MINPP1: variants seen among roughly 807,000 people sequenced by gnomAD.
MINPP1 encodes the protein multiple inositol-polyphosphate phosphatase 1.
Under a neutral mutation model 46.1 loss-of-function variants are expected in MINPP1, and 28 were observed. The ratio of observed to expected loss-of-function variants is 0.61; its 90% CI spans 0.45 to 0.83. The LOEUF (loss-of-function observed/expected upper bound fraction) is 0.83. Among genes scored for constraint, MINPP1 ranks in the 40% least tolerant of loss-of-function variants. MINPP1 has a pLI of 0.00. For synonymous variants in MINPP1, 268 were observed against 249.1 expected, an observed-to-expected ratio of 1.08 and a Z score of -0.72; for missense variants, 603 against 610.0, an observed-to-expected ratio of 0.99 and a Z score of 0.12.
rs1851982869 is a variant in MINPP1, at chr10:87,552,728, A to C, written c.*250A>C. On this transcript the variant is annotated 3_prime_UTR_variant, in exon 5 of 5. Transcript: ENST00000371996. ...CAGCTGGCCCTGCAAATGTTTACAG[A>C]AATGAAATTCTTCCTACTTATATAA... 1 of 479,852 alleles carries C rather than the reference A, an allele frequency of 2.1e-6. No individual in the cohort carries two copies. The highest frequency in any genetic ancestry group is 3.6e-5 in the Admixed American group (1 of 27,540). 29.7% of individuals were successfully genotyped at this position (479,852 alleles called of 1,614,324 possible). A position where few individuals can be genotyped will look rare whatever the true frequency, so the allele number is the denominator to read the frequency against.
chr10:87,534,253 C>T (rs1009220243), intron 4 of MINPP1, among the ~76,000 whole-genome samples: 1 of 152,010 alleles, frequency 6.6e-6, no homozygotes, highest in African/African-American at 2.4e-5. Flanking sequence ...CAGGGTTTCG[C>T]CATGTTGGCC....
intron 4 of MINPP1, among the ~76,000 whole-genome samples, chr10:87,527,765 T>A (rs1412153150): frequency 6.6e-6 from 1 of 152,226 alleles, no homozygotes; most frequent in Non-Finnish European, 1.5e-5. Context: ...TTAACTGGAA[T>A]AGTTTCAGAA....
chr10:87,530,579 G>A (rs1367336742), intron 4 of MINPP1, among the ~76,000 whole-genome samples: 2 of 152,142 alleles, frequency 1.3e-5, no homozygotes, highest in Non-Finnish European at 2.9e-5. Flanking sequence ...TGGAAGCTTC[G>A]TCTCAGAGGG....
intron 3 of MINPP1, among the ~76,000 whole-genome samples, chr10:87,517,925 C>T (rs990233247): frequency 2.7e-5 from 4 of 149,364 alleles, no homozygotes; most frequent in African/African-American, 9.8e-5. Flanking sequence ...GCCTCCCAAA[C>T]TGTTGGGATT....
At chr10:87,516,049 G>A (rs1564673827) in intron 3 of MINPP1, among the ~76,000 whole-genome samples, 2 of 42,118 alleles carry the variant, frequency 4.7e-5, no homozygotes, top group Non-Finnish European at 1.8e-4. Context: ...GGCTGGTCTC[G>A]AACTCCTGAA....
At chr10:87,509,107 A>C (rs893134949) in intron 2 of MINPP1, among the ~76,000 whole-genome samples, 1 of 152,234 alleles carries the variant, frequency 6.6e-6, no homozygotes, top group African/African-American at 2.4e-5. Context: ...AGGGAACACT[A>C]TTAATAATTT....
In MINPP1 at chr10:87,505,705, G is replaced by A. The variant is rs931687422; in HGVS notation, c.637+153G>A. 6.6e-6 allele frequency among the ~76,000 whole-genome samples: 1 copy of A among 152,028 alleles called. No homozygotes were observed. The highest frequency in any genetic ancestry group is 2.4e-5 in the African/African-American group (1 of 41,372). ...TCCCTCGGGCTACGTCCTCCCTGTCGAGGGATATTACAGACTTGGCTATCT... is the reference window on the plus strand; with the variant it reads ...TCCCTCGGGCTACGTCCTCCCTGTCAAGGGATATTACAGACTTGGCTATCT... On this transcript the variant is annotated intron_variant, in intron 1 of 4. Coordinates refer to ENST00000371996, the MANE Select transcript of MINPP1 (RefSeq NM_004897.5). This position sits in a 1 kb window ranked among gnomAD's most constrained non-coding sequence, Gnocchi z 4.4.
chr10:87,530,678 C>T (rs147666355), intron 4 of MINPP1, among the ~76,000 whole-genome samples: 6,019 of 152,250 alleles, frequency 0.04, 576 homozygotes, highest in East Asian at 0.31. Flanking sequence ...GCAGTCTGTC[C>T]GTTCTCAGAT....
intron 4 of MINPP1, among the ~76,000 whole-genome samples, chr10:87,535,816 C>T (rs1055291259): frequency 1.3e-5 from 2 of 152,044 alleles, no homozygotes; most frequent in African/African-American, 2.4e-5. Context: ...GTAGTCCCAG[C>T]TACTCACGAG....
At chr10:87,522,411 T>C (rs1337678141) in intron 4 of MINPP1, among the ~76,000 whole-genome samples, 1 of 152,178 alleles carries the variant, frequency 6.6e-6, no homozygotes, top group East Asian at 1.9e-4. Flanking sequence ...GTTTGAGAAA[T>C]AATTCATATG....
chr10:87,532,164 T>A (rs1205190695), intron 4 of MINPP1, among the ~76,000 whole-genome samples: 3 of 152,230 alleles, frequency 2.0e-5, no homozygotes, highest in Non-Finnish European at 4.4e-5. Context: ...GTGAGACTTA[T>A]TCTTTTCAAA....
intron 4 of MINPP1, among the ~76,000 whole-genome samples, chr10:87,535,122 T>C (rs752094190): frequency 6.6e-6 from 1 of 152,254 alleles, no homozygotes; most frequent in Non-Finnish European, 1.5e-5. Context: ...TAGTTGGAAA[T>C]GGCTTCTGTG....
In MINPP1 at chr10:87,504,922, C is replaced by G. The variant is rs1327781109; in HGVS notation, c.7C>G (p.Arg3Gly). ...TCCACTGACCGTCCCGACGATGCTACGCGCGCCCGGCTGCCTCCTCCGGAC... is the reference window on the plus strand; with the variant it reads ...TCCACTGACCGTCCCGACGATGCTAGGCGCGCCCGGCTGCCTCCTCCGGAC... ML[R>G]APGCLLRTSV... Residue 3 changes from arginine (R) to glycine (G), a missense_variant, in exon 1 of 5, where the codon CGC becomes GGC. Coordinates refer to ENST00000371996, the MANE Select transcript of MINPP1 (RefSeq NM_004897.5). 4 of 1,610,448 alleles carry G rather than the reference C, an allele frequency of 2.5e-6. No homozygotes were observed. Among genetic ancestry groups the G allele is most frequent in the African/African-American group, 1.3e-5 (1 of 74,912 alleles).
intron 4 of MINPP1, among the ~76,000 whole-genome samples, chr10:87,536,958 A>G (rs1851744649): frequency 1.3e-5 from 2 of 150,672 alleles, no homozygotes; most frequent in Admixed American, 1.3e-4. Context: ...TTTTTTTGAG[A>G]CAGAGTCTTA....
In MINPP1 at chr10:87,505,471, C is replaced by G; in HGVS notation, c.556C>G (p.Arg186Gly). ...GCGGCTCATCACCAGTTCCAAGCACCGCTGCATGGATAGCAGCGCCGCCTT... is the reference window on the plus strand; with the variant it reads ...GCGGCTCATCACCAGTTCCAAGCACGGCTGCATGGATAGCAGCGCCGCCTT... Reference protein sequence around the residue: ...RLRLITSSKHRCMDSSAAFLQ... With the variant: ...RLRLITSSKHGCMDSSAAFLQ... The change falls in exon 1 of 5, where the codon CGC becomes GGC. Residue 186 changes from arginine (R) to glycine (G), a missense_variant. Arg to Gly is a moderately radical substitution (Grantham distance 125). Coordinates refer to ENST00000371996, the MANE Select transcript of MINPP1 (RefSeq NM_004897.5). This position sits in a 1 kb window ranked among gnomAD's most constrained non-coding sequence, Gnocchi z 4.4. 2 of 1,613,186 alleles carry G rather than the reference C, an allele frequency of 1.2e-6. No individual in the cohort carries two copies. The highest frequency in any genetic ancestry group is 1.7e-6 in the Non-Finnish European group (2 of 1,179,624).
chr10:87,516,040 GCTGGTCTCGAACTCC>G (rs1851410339), intron 3 of MINPP1, among the ~76,000 whole-genome samples: 12 of 107,794 alleles, frequency 1.1e-4, no homozygotes, highest in East Asian at 4.6e-4. Context: ...TGTTGGCCAG[GCTGGTCTCGAACTCC>G]TGAACTCAAG....
At chr10:87,551,110 G>A (rs1851956822) in intron 4 of MINPP1, among the ~76,000 whole-genome samples, 1 of 151,994 alleles carries the variant, frequency 6.6e-6, no homozygotes, top group Non-Finnish European at 1.5e-5. Flanking sequence ...GTGGTTCATA[G>A]AGAATACTTT....
chr10:87,547,498 T>C (rs1411000589), intron 4 of MINPP1, among the ~76,000 whole-genome samples: 2 of 152,216 alleles, frequency 1.3e-5, no homozygotes, highest in South Asian at 2.1e-4. Flanking sequence ...TATTTTCTTA[T>C]AAAAGGCATT....
At chr10:87,530,229 C>T (rs1051059308) in intron 4 of MINPP1, among the ~76,000 whole-genome samples, 2 of 152,220 alleles carry the variant, frequency 1.3e-5, no homozygotes, top group East Asian at 1.9e-4. Context: ...AGTCATTCTC[C>T]GTCCAGCTTT....
Sources: allele counts gnomAD v4.1 joint callset (sites outside exome capture counted in the v4.1 genomes callset), GRCh38; gene constraint gnomAD v4.1.1; non-coding constraint Gnocchi (gnomAD v3.1); transcripts MANE v1.5; gene names NCBI Gene and HGNC (gene_info 2026-07-23, HGNC 2026-07-21).